CECR2: variants seen among roughly 807,000 people sequenced by gnomAD.
CECR2 encodes the protein chromatin remodeling regulator CECR2.
Under a neutral mutation model 154.5 loss-of-function variants are expected in CECR2, and 30 were observed. That is an observed-to-expected ratio of 0.19 (90% CI 0.15 to 0.26). The LOEUF (loss-of-function observed/expected upper bound fraction) is 0.26. CECR2 is among the 10% of genes least tolerant of loss of function. The pLI is 1.00. For missense variants in CECR2, 1,743 were observed against 1,829.3 expected (o/e 0.95, Z 0.86); for synonymous variants, 725 against 683.7 (o/e 1.06, Z -0.94).
intron 1 of CECR2, among the ~76,000 whole-genome samples, chr22:17,417,665 C>G (rs1236914886): frequency 6.6e-6 from 1 of 152,070 alleles, no homozygotes; most frequent in Non-Finnish European, 1.5e-5. Context: ...TTCAGCCAGG[C>G]TGGAGTGCAG....
intron 1 of CECR2, among the ~76,000 whole-genome samples, chr22:17,438,202 G>A (rs1018350089): frequency 5.3e-5 from 8 of 152,186 alleles, no homozygotes; most frequent in African/African-American, 1.9e-4. Flanking sequence ...GATGACATGC[G>A]TTACAAACAG....
intron 1 of CECR2, among the ~76,000 whole-genome samples, chr22:17,418,472 T>A (rs909957764): frequency 2.0e-5 from 3 of 152,176 alleles, no homozygotes; most frequent in Admixed American, 2.0e-4. Flanking sequence ...GCACCTCTTG[T>A]CAGAAACCAA....
In CECR2 at chr22:17,382,054, A is replaced by AT. The variant is rs10680101; in HGVS notation, c.126+12162dup. ...AGGCGCCTGCCACCACGCCCTGCTA[A>AT]TTTTTTTTTTTTTTTTTAGTAGGGA... On this transcript the variant is annotated intron_variant, in intron 1 of 18. Transcript: ENST00000262608. 1.9e-3 allele frequency among the ~76,000 whole-genome samples: 279 copies of AT among 146,162 alleles called. 2 individuals carry two copies. The highest frequency in any genetic ancestry group is 4.5e-3 in the South Asian group (21 of 4,674).
In CECR2 at chr22:17,489,257, A is replaced by G. The variant is rs1362233941; in HGVS notation, c.222-8146A>G. Among the ~76,000 whole-genome samples, 3 of 152,108 alleles carry G rather than the reference A, an allele frequency of 2.0e-5. No individual in the cohort carries two copies. The East Asian group carries it at 5.8e-4, about 29-fold the overall frequency. On this transcript the variant is annotated intron_variant, in intron 2 of 18. Transcript: ENST00000262608. Reference sequence around the variant, plus strand: ...CTAGTTACTTCCTATCTTTGCCAACATCTGCTGTTTTTAATTTTACTAATC... The same window carrying G: ...CTAGTTACTTCCTATCTTTGCCAACGTCTGCTGTTTTTAATTTTACTAATC...
At chr22:17,508,417 T>G (rs1408601141) in intron 7 of CECR2, among the ~76,000 whole-genome samples, 1 of 152,184 alleles carries the variant, frequency 6.6e-6, no homozygotes, top group African/African-American at 2.4e-5. Flanking sequence ...GTATTTTTAC[T>G]GCACCTTTTC....
rs2056374068 is a variant in CECR2 at position 17,532,663 on chromosome 22, C to G, written c.1109-4440C>G. Among the ~76,000 whole-genome samples the G allele has an allele frequency of 2.2e-5, 3 of 135,562 alleles. No homozygotes were observed. The Admixed American group carries it at 2.3e-4, about 11-fold the overall frequency. 88.9% of individuals were successfully genotyped at this position (135,562 alleles called of 152,430 possible). ...AAAATCACCCAGGAAACTATTATAG[C>G]TAAGAAATTCACCAAGTAGGTATAT... On this transcript the variant is annotated intron_variant, in intron 9 of 18. Coordinates refer to ENST00000262608, the MANE Select transcript of CECR2 (RefSeq NM_001290047.2).
intron 9 of CECR2, chr22:17,524,854 A>C: frequency 2.5e-6 from 1 of 405,592 alleles, no homozygotes; most frequent in Non-Finnish European, 4.9e-6. Context: ...ATTTTTAGAG[A>C]TGGGGTTTTA....
chr22:17,399,416 AT>A (rs67470861), intron 1 of CECR2, among the ~76,000 whole-genome samples: 45,596 of 126,220 alleles, frequency 0.36, 7,375 homozygotes, highest in Non-Finnish European at 0.4. Context: ...AGTAATGGTG[AT>A]TTTTTTTTTT....
At chr22:17,505,784 G>T in intron 7 of CECR2, among the ~76,000 whole-genome samples, 1 of 144,714 alleles carries the variant, frequency 6.9e-6, no homozygotes, top group East Asian at 2.1e-4. Context: ...GTGATATACC[G>T]CCTCAGCCTC....
intron 1 of CECR2, among the ~76,000 whole-genome samples, chr22:17,454,954 C>T (rs1418195403): frequency 6.6e-6 from 1 of 152,194 alleles, no homozygotes; most frequent in African/African-American, 2.4e-5. Flanking sequence ...ACAAAGGAGA[C>T]AGGGTCATTT....
At chr22:17,389,819 G>A (rs1038488805) in intron 1 of CECR2, among the ~76,000 whole-genome samples, 2 of 151,924 alleles carry the variant, frequency 1.3e-5, no homozygotes, top group African/African-American at 4.8e-5. Context: ...GTAGAGACGG[G>A]GTTTTGCCAT....
chr22:17,396,411 T>C (rs2053812421), intron 1 of CECR2, among the ~76,000 whole-genome samples: 1 of 152,076 alleles, frequency 6.6e-6, no homozygotes, highest in South Asian at 2.1e-4. Context: ...CTGGGTGTGG[T>C]GGTGGGTGCC....
At chr22:17,495,898 T>C (rs886785909) in intron 2 of CECR2, among the ~76,000 whole-genome samples, 10 of 145,178 alleles carry the variant, frequency 6.9e-5, no homozygotes, top group Non-Finnish European at 9.0e-5. Context: ...TATTTACACC[T>C]GGATGTGGTA....
intron 8 of CECR2, 100 bp from the exon 9 acceptor site, chr22:17,524,018 A>T: frequency 1.1e-6 from 1 of 909,124 alleles, no homozygotes; most frequent in Non-Finnish European, 1.7e-6. Context: ...GTCCCTAGCT[A>T]ATATTATTTG....
chr22:17,511,518 ATT>A (rs36060157), intron 7 of CECR2, among the ~76,000 whole-genome samples: 15,218 of 146,438 alleles, frequency 0.1, 841 homozygotes, highest in South Asian at 0.17. Context: ...TGGGAAGATA[ATT>A]TTTTTTTTTT....
At chr22:17,528,010 A>G (rs1187277786) in intron 9 of CECR2, among the ~76,000 whole-genome samples, 1 of 152,168 alleles carries the variant, frequency 6.6e-6, no homozygotes, top group African/African-American at 2.4e-5. Context: ...TTCCTTAGAA[A>G]ACTAAAAAGA....
intron 1 of CECR2, among the ~76,000 whole-genome samples, chr22:17,406,396 G>T (rs558609322): frequency 1.3e-5 from 2 of 152,116 alleles, no homozygotes; most frequent in African/African-American, 2.4e-5. Context: ...GGTGGCACAC[G>T]CCTGTAATCC....
At chr22:17,533,716 G>GTTTA (rs2056395089) in intron 9 of CECR2, among the ~76,000 whole-genome samples, 1 of 151,544 alleles carries the variant, frequency 6.6e-6, no homozygotes, top group Non-Finnish European at 1.5e-5. Flanking sequence ...TTGTTTGTTT[G>GTTTA]TTTGTTTGTT....
intron 8 of CECR2, among the ~76,000 whole-genome samples, chr22:17,514,792 G>A (rs1386900196): frequency 6.6e-6 from 1 of 152,096 alleles, no homozygotes; most frequent in Non-Finnish European, 1.5e-5. Context: ...CCAGCACTTT[G>A]GGAGGCCGAG....
Sources: allele counts gnomAD v4.1 joint callset (sites outside exome capture counted in the v4.1 genomes callset), GRCh38; gene constraint gnomAD v4.1.1; transcripts MANE v1.5; gene names NCBI Gene and HGNC (gene_info 2026-07-23, HGNC 2026-07-21).